Variants in ACSM2B observed in about 807,000 individuals in gnomAD.
ACSM2B encodes the protein acyl-coenzyme A synthetase ACSM2B, mitochondrial.
Under a neutral mutation model 78.6 loss-of-function variants are expected in ACSM2B, and 58 were observed. The ratio of observed to expected loss-of-function variants is 0.74; its 90% CI spans 0.60 to 0.92. The LOEUF (loss-of-function observed/expected upper bound fraction) is 0.92. Among genes scored for constraint, ACSM2B ranks in the 40% least tolerant of loss-of-function variants. The probability of loss-of-function intolerance (pLI) is 0.00; values close to 1 mark genes in which losing one functional copy is unlikely to be tolerated. For missense variants in ACSM2B, 688 were observed against 711.2 expected, an observed-to-expected ratio of 0.97 and a Z score of 0.37; for synonymous variants, 257 against 256.8, an observed-to-expected ratio of 1.00 and a Z score of -0.01.
rs544650297 is a variant in ACSM2B at position 20,574,876 on chromosome 16, C to T, written c.-9+1331G>A. On this transcript the variant is annotated intron_variant, in intron 1 of 13. Coordinates refer to ENST00000329697, the MANE Select transcript of ACSM2B (RefSeq NM_001105069.2). ...TTCTGAAGCTGGGAGATAGAATCCC[C>T]GAGTTCATCATTTTCTTTCATCACT... Among the ~76,000 whole-genome samples the T allele has an allele frequency of 1.1e-4, 17 of 150,404 alleles. 1 individual carries two copies. The highest frequency in any genetic ancestry group is 6.3e-4 in the South Asian group (3 of 4,782).
At chr16:20,548,041 G>C (rs2015192440) in intron 8 of ACSM2B, 21 bp downstream of exon 8, 1 of 1,613,432 alleles carries the variant, frequency 6.2e-7, no homozygotes, top group African/African-American at 1.3e-5. Context: ...CACAGCCCAT[G>C]GTTCCCCTGG....
chr16:20,549,720 T>A (rs1448438866), intron 6 of ACSM2B: 1 of 440,220 alleles, frequency 2.3e-6, no homozygotes, highest in Admixed American at 2.4e-5. Context: ...TGCACTTTGG[T>A]TTTATACATT....
At chr16:20,573,178 C>T (rs1174456381) in intron 1 of ACSM2B, among the ~76,000 whole-genome samples, 1 of 151,664 alleles carries the variant, frequency 6.6e-6, no homozygotes, top group Non-Finnish European at 1.5e-5. Flanking sequence ...TTCCTGGTTC[C>T]TTCTCATTTG....
intron 11 of ACSM2B, 26 bp from the exon 12 acceptor site, chr16:20,543,039 A>G (rs367563401): frequency 6.2e-7 from 1 of 1,613,510 alleles, no homozygotes. Context: ...TCCTTCAGAG[A>G]ACACTGGACA....
intron 2 of ACSM2B, among the ~76,000 whole-genome samples, chr16:20,561,528 C>T (rs71384482): frequency 0.16 from 24,323 of 148,706 alleles, 1,740 homozygotes; most frequent in East Asian, 0.57. Flanking sequence ...TGGGACCTGC[C>T]CGTATGATCC....
chr16:20,562,913 A>G (rs1303160729), intron 2 of ACSM2B, among the ~76,000 whole-genome samples: 1 of 152,168 alleles, frequency 6.6e-6, no homozygotes, highest in African/African-American at 2.4e-5. Context: ...ATTCTACAGC[A>G]AGGAACTGAC....
chr16:20,561,614 C>G (rs914094119), intron 2 of ACSM2B, among the ~76,000 whole-genome samples: 1 of 151,992 alleles, frequency 6.6e-6, no homozygotes, highest in East Asian at 1.9e-4. Flanking sequence ...AACAAATATC[C>G]AAACTATGTC....
At position 20,555,318 on chromosome 16, in the gene ACSM2B, C is replaced by A. The variant is rs2015437783; in HGVS notation, c.547G>T (p.Val183Leu). ...CACCCATCGCAGCTTTTCTCAGACA[C>A]CAGTAGCTTAATTCTCAGAGAAGGA... Reference protein sequence around the residue: ...ECPSLRIKLLVSEKSCDGWLN... With the variant: ...ECPSLRIKLLLSEKSCDGWLN... Residue 183 changes from valine to leucine, a missense_variant, in exon 4 of 14, where the codon GTG becomes TTG. By Grantham distance (32) the Val-to-Leu change is conservative. Transcript: ENST00000329697. The A allele has an allele frequency of 6.2e-7, 1 of 1,613,876 alleles. No homozygotes were observed. The highest frequency in any genetic ancestry group is 1.3e-5 in the African/African-American group (1 of 74,992).
intron 10 of ACSM2B, among the ~76,000 whole-genome samples, chr16:20,544,377 A>G (rs1237836042): frequency 2.6e-5 from 4 of 152,172 alleles, no homozygotes; most frequent in African/African-American, 9.7e-5. Flanking sequence ...AGGGTTTTGA[A>G]CTCGAGCAAT....
intron 2 of ACSM2B, among the ~76,000 whole-genome samples, chr16:20,562,695 C>A (rs966531249): frequency 2.0e-5 from 3 of 152,250 alleles, no homozygotes; most frequent in Non-Finnish European, 2.9e-5. Context: ...CTCAATTCTG[C>A]TAAGCTATAA....
chr16:20,562,552 T>C (rs1408336554), intron 2 of ACSM2B, among the ~76,000 whole-genome samples: 2 of 152,190 alleles, frequency 1.3e-5, no homozygotes, highest in Non-Finnish European at 2.9e-5. Context: ...GAATTTAGTT[T>C]ATAATTTAAC....
chr16:20,543,236 G>T lies in ACSM2B; in HGVS notation c.1308C>A (p.Asn436Lys), dbSNP rs779780583. 1.9e-6 allele frequency: 3 copies of T among 1,613,726 alleles called. No homozygotes were observed. Among genetic ancestry groups the T allele is most frequent in the Admixed American group, 1.7e-5 (1 of 60,016 alleles). ...YVENPDKTAANIRGDFWLLGD... is the reference protein window; with the variant it reads ...YVENPDKTAAKIRGDFWLLGD... ...CAAGGAGCCAAAAGTCTCCTCGAAT[G>T]TTGGCTGCTGTCTTGTCGGGATTTT... Residue 436 changes from asparagine (N) to lysine (K), a missense_variant, in exon 11 of 14, where the codon AAC becomes AAA. Coordinates refer to ENST00000329697, the MANE Select transcript of ACSM2B (RefSeq NM_001105069.2).
chr16:20,572,966 T>A (rs2016132929), intron 1 of ACSM2B, among the ~76,000 whole-genome samples: 1 of 139,294 alleles, frequency 7.2e-6, no homozygotes, highest in Non-Finnish European at 1.5e-5. Flanking sequence ...TCTCCCCTCA[T>A]AACTTGTATT....
chr16:20,537,465 C>G, intron 13 of ACSM2B, 103 bp from the exon 14 acceptor site: 1 of 1,341,704 alleles, frequency 7.5e-7, no homozygotes, highest in Non-Finnish European at 1.1e-6. Flanking sequence ...AGGCTGGAGC[C>G]ACTTCAGGGT....
intron 1 of ACSM2B, among the ~76,000 whole-genome samples, chr16:20,570,903 G>C (rs1201684845): frequency 6.6e-6 from 1 of 151,710 alleles, no homozygotes; most frequent in African/African-American, 2.4e-5. Flanking sequence ...TATTTCTGTG[G>C]TATCAGTTGT....
chr16:20,566,712 T>C (rs1165252319), intron 1 of ACSM2B, among the ~76,000 whole-genome samples: 1 of 44,998 alleles, frequency 2.2e-5, no homozygotes, highest in Non-Finnish European at 3.3e-5. Flanking sequence ...ATATATAGTA[T>C]ATATAGTATA....
rs1430454782 is a variant in ACSM2B, at chr16:20,546,734, T to G, written c.1099-260A>C. Reference sequence around the variant, plus strand: ...CCTAACAATCACATTATAATCTCTTTTAGGGGGAGTCACATTTTAATACGA... The same window carrying G: ...CCTAACAATCACATTATAATCTCTTGTAGGGGGAGTCACATTTTAATACGA... On this transcript the variant is annotated intron_variant, in intron 8 of 13. Transcript: ENST00000329697. 12 of 453,334 alleles carry G rather than the reference T, an allele frequency of 2.6e-5. No homozygotes were observed. In the East Asian group the frequency reaches 5.2e-4, roughly 20 times the overall value. The allele number at this position is 453,334 out of a possible 1,614,324, so 28.1% of individuals were successfully genotyped here.
chr16:20,552,854 G>A (rs1284996313), intron 5 of ACSM2B, among the ~76,000 whole-genome samples: 1 of 152,164 alleles, frequency 6.6e-6, no homozygotes, highest in Non-Finnish European at 1.5e-5. Context: ...CAACTTCCTT[G>A]TGACGGGAAC....
At chr16:20,548,625 C>T (rs1367782926) in intron 6 of ACSM2B, 152 bp from the exon 7 acceptor site, 1 of 1,527,362 alleles carries the variant, frequency 6.5e-7, no homozygotes, top group African/African-American at 1.4e-5. Flanking sequence ...TTAAATGAGC[C>T]CCACAACTCT....
Sources: allele counts gnomAD v4.1 joint callset (sites outside exome capture counted in the v4.1 genomes callset), GRCh38; gene constraint gnomAD v4.1.1; transcripts MANE v1.5; gene names NCBI Gene and HGNC (gene_info 2026-07-23, HGNC 2026-07-21).